PRR16: variants seen among roughly 807,000 people sequenced by gnomAD.
The protein encoded by PRR16 is protein Largen.
PRR16 carries 6 observed loss-of-function variants against 18.2 expected under a neutral mutation model. The observed-to-expected ratio is 0.33, with a 90% confidence interval of 0.18 to 0.65. The LOEUF is 0.65. Ranked by LOEUF, PRR16 falls within the 30% of genes least tolerant of loss-of-function variation. PRR16 has a pLI of 0.74. For missense variants in PRR16, 412 were observed against 376.6 expected (o/e 1.09, Z -0.78); for synonymous variants, 151 against 147.8 (o/e 1.02, Z -0.16).
chr5:120,575,547 G>A (rs114816685), intron 1 of PRR16, among the ~76,000 whole-genome samples: 541 of 151,872 alleles, frequency 3.6e-3, no homozygotes, highest in African/African-American at 0.012. Flanking sequence ...ACAAAATGAA[G>A]GCCAAAACAT....
chr5:120,655,388 T>TTAA (rs1554092375), intron 1 of PRR16, among the ~76,000 whole-genome samples: 15 of 143,574 alleles, frequency 1.0e-4, no homozygotes, highest in African/African-American at 3.6e-4. Context: ...TTTTTTTTTT[T>TTAA]AAAAAAAAAG....
intron 1 of PRR16, among the ~76,000 whole-genome samples, chr5:120,528,486 C>T (rs927324484): frequency 6.6e-6 from 1 of 152,008 alleles, no homozygotes; most frequent in African/African-American, 2.4e-5. Context: ...AACAGGGAGG[C>T]TGTGGAAAAG....
chr5:120,754,596 T>C, the PRR16 span, among the ~76,000 whole-genome samples: 1 of 85,744 alleles, frequency 1.2e-5, no homozygotes, highest in Non-Finnish European at 2.1e-5. Flanking sequence ...TTATATATAA[T>C]ATATATCGTT....
intron 1 of PRR16, among the ~76,000 whole-genome samples, chr5:120,658,695 A>C (rs1431313628): frequency 6.6e-6 from 1 of 151,968 alleles, no homozygotes; most frequent in Non-Finnish European, 1.5e-5. Context: ...AAATTTATAT[A>C]AGGAACTCCA....
chr5:120,616,767 C>G (rs1301307535), intron 1 of PRR16, among the ~76,000 whole-genome samples: 1 of 152,082 alleles, frequency 6.6e-6, no homozygotes, highest in African/African-American at 2.4e-5. Flanking sequence ...TACAAAGCAT[C>G]CAGTGATTTG....
At chr5:120,638,547 A>T (rs1277136870) in intron 1 of PRR16, among the ~76,000 whole-genome samples, 2 of 152,082 alleles carry the variant, frequency 1.3e-5, no homozygotes, top group African/African-American at 4.8e-5. Flanking sequence ...TTCTATTATA[A>T]TCCCATTAAA....
chr5:120,655,106 A>T (rs1755921785), intron 1 of PRR16, among the ~76,000 whole-genome samples: 1 of 151,910 alleles, frequency 6.6e-6, no homozygotes, highest in Non-Finnish European at 1.5e-5. Context: ...TACTGAAAAG[A>T]AAAAGAGAAA....
chr5:120,621,999 C>T (rs1027801255), intron 1 of PRR16, among the ~76,000 whole-genome samples: 30 of 152,174 alleles, frequency 2.0e-4, no homozygotes, highest in Admixed American at 1.7e-3. Context: ...GGTGTCTTTG[C>T]TGATCACTTG....
chr5:120,623,872 A>G (rs1049593469), intron 1 of PRR16, among the ~76,000 whole-genome samples: 2 of 152,044 alleles, frequency 1.3e-5, no homozygotes, highest in South Asian at 2.1e-4. Context: ...AAGGATGAAT[A>G]TGTTAATGAG....
intron 1 of PRR16, among the ~76,000 whole-genome samples, chr5:120,535,295 G>A (rs565472175): frequency 1.3e-5 from 2 of 152,278 alleles, no homozygotes; most frequent in South Asian, 4.1e-4. Context: ...TGTACAGTTA[G>A]TAATTGGAAT....
At chr5:120,613,127 T>C (rs543044178) in intron 1 of PRR16, among the ~76,000 whole-genome samples, 6 of 152,248 alleles carry the variant, frequency 3.9e-5, no homozygotes, top group Admixed American at 3.9e-4. Context: ...TATTTGCCCA[T>C]GAGTTTACAC....
chr5:120,684,562 C>G (rs1757063369), intron 1 of PRR16, among the ~76,000 whole-genome samples: 1 of 152,140 alleles, frequency 6.6e-6, no homozygotes, highest in African/African-American at 2.4e-5. Context: ...TAAAACAATC[C>G]ATAACTTTTC....
intron 1 of PRR16, among the ~76,000 whole-genome samples, chr5:120,493,029 G>T (rs1750118108): frequency 6.6e-6 from 1 of 152,208 alleles, no homozygotes. Flanking sequence ...GTGTGTGCAA[G>T]TGTCTTTTTC....
the PRR16 span, among the ~76,000 whole-genome samples, chr5:120,752,930 CTT>C: frequency 1.3e-5 from 2 of 151,650 alleles, no homozygotes; most frequent in African/African-American, 4.8e-5. Context: ...CAATGTAAGA[CTT>C]TTTCATCTCT....
At chr5:120,719,309 A>T in the PRR16 span, among the ~76,000 whole-genome samples, 2 of 152,022 alleles carry the variant, frequency 1.3e-5, no homozygotes, top group African/African-American at 4.8e-5. Flanking sequence ...GATAGATGTG[A>T]TGGCATTTTT....
At chr5:120,611,893 T>G (rs534221111) in intron 1 of PRR16, among the ~76,000 whole-genome samples, 1 of 152,240 alleles carries the variant, frequency 6.6e-6, no homozygotes, top group African/African-American at 2.4e-5. Context: ...ACTGTGCACC[T>G]GGAAAAGCCA....
chr5:120,663,182 G>A (rs1009755272), intron 1 of PRR16, among the ~76,000 whole-genome samples: 4 of 151,696 alleles, frequency 2.6e-5, no homozygotes, highest in African/African-American at 9.7e-5. Flanking sequence ...TTTAGGGTCT[G>A]TACCAAGTCA....
At chr5:120,509,963 A>G (rs10214171) in intron 1 of PRR16, among the ~76,000 whole-genome samples, 29,473 of 152,026 alleles carry the variant, frequency 0.19, 3,082 homozygotes, top group African/African-American at 0.25. Flanking sequence ...CTGATTCCCT[A>G]TTCAGTATAC....
chr5:120,524,754 C>G (rs1751296322), intron 1 of PRR16, among the ~76,000 whole-genome samples: 2 of 151,946 alleles, frequency 1.3e-5, no homozygotes, highest in African/African-American at 4.8e-5. Context: ...CTGATGTGAT[C>G]ATTATGCCTT....
Sources: gnomAD v4.1 joint callset for allele counts (sites outside exome capture counted in the v4.1 genomes callset) on GRCh38, gnomAD v4.1.1 for gene constraint, MANE v1.5 for transcripts, NCBI Gene and HGNC (gene_info 2026-07-23, HGNC 2026-07-21) for gene names.